ADGRE1: variants seen among roughly 807,000 people sequenced by gnomAD.
ADGRE1 encodes the protein EGF-like module receptor 1.
In ADGRE1, 82 loss-of-function variants were observed where a neutral mutation model predicts 102.7. The observed-to-expected ratio is 0.80, with a 90% CI of 0.67 to 0.96. The LOEUF is 0.96. Among genes scored for constraint, ADGRE1 ranks in the 40% least tolerant of loss-of-function variants. The pLI, the probability that ADGRE1 is intolerant of heterozygous loss-of-function variation, is 0.00. For missense variants in ADGRE1, 1,032 were observed against 1,085.3 expected, an observed-to-expected ratio of 0.95 and a Z score of 0.69; for synonymous variants, 398 against 399.6, an observed-to-expected ratio of 1.00 and a Z score of 0.05.
rs142114236 is a variant in ADGRE1 at position 6,919,677 on chromosome 19, G to C, written c.1550G>C (p.Gly517Ala). 65 of 1,613,370 alleles carry C rather than the reference G, an allele frequency of 4.0e-5. No individual in the cohort carries two copies. The Admixed American group carries it at 5.8e-4, about 15-fold the overall frequency. Reference protein sequence around the residue: ...IKLKMNSRVVGGIMTGEKKDG... With the variant: ...IKLKMNSRVVAGIMTGEKKDG... ...CTGAAGATGAATTCTCGAGTCGTTG[G>C]GGGCATAATGACTGGAGAGAAGAAA... Residue 517 changes from glycine to alanine, a missense_variant, in exon 13 of 21, where the codon GGG becomes GCG. Gly to Ala is a moderately conservative substitution (Grantham distance 60). Transcript: ENST00000312053.
At chr19:6,897,327 G>A (rs779667563) in intron 4 of ADGRE1, 23 bp downstream of exon 4, 2 of 1,613,810 alleles carry the variant, frequency 1.2e-6, no homozygotes, top group Non-Finnish European at 8.5e-7. Flanking sequence ...GGTTCCCAGG[G>A]ATGGGTCTTG....
chr19:6,938,995 G>GCC (rs1975561588), intron 20 of ADGRE1, among the ~76,000 whole-genome samples: 1 of 151,760 alleles, frequency 6.6e-6, no homozygotes, highest in Non-Finnish European at 1.5e-5. Context: ...AGGGTTTCAT[G>GCC]ATGTTGGCCA....
intron 5 of ADGRE1, 180 bp downstream of exon 5, chr19:6,897,727 T>A: frequency 1.8e-6 from 1 of 567,442 alleles, no homozygotes; most frequent in Non-Finnish European, 2.6e-6. Context: ...TGTGGGTGTC[T>A]TTACATGCTA....
chr19:6,890,484 G>A lies in ADGRE1; in HGVS notation c.35G>A (p.Cys12Tyr), dbSNP rs780290153. Reference sequence around the variant, plus strand: ...TTTTTCTTTTCTTTCTTCACAGGATGTTGTGTTATGCACAGCTGGGAAGGG... The same window carrying A: ...TTTTTCTTTTCTTTCTTCACAGGATATTGTGTTATGCACAGCTGGGAAGGG... ...RGFNLLLFWGCCVMHSWEGHI... is the reference protein window; with the variant it reads ...RGFNLLLFWGYCVMHSWEGHI... Residue 12 changes from cysteine (C) to tyrosine (Y), a missense_variant, in exon 2 of 21, where the codon TGT (cysteine) becomes TAT (tyrosine). Physicochemically the swap from Cys to Tyr is radical, Grantham distance 194 (BLOSUM62 -2). Coordinates refer to ENST00000312053, the MANE Select transcript of ADGRE1 (RefSeq NM_001974.5). 8 of 1,349,286 alleles carry A rather than the reference G, an allele frequency of 5.9e-6. No individual in the cohort carries two copies. The South Asian group carries it at 7.1e-5, about 12-fold the overall frequency. The allele number at this position is 1,349,286 out of a possible 1,614,324, so 83.6% of individuals were successfully genotyped here. A position where few individuals can be genotyped will look rare whatever the true frequency, so the allele number is the denominator to read the frequency against.
rs748543537 is a variant in ADGRE1, at chr19:6,924,815, G to A, written c.1929G>A (p.Val643=). The change falls in exon 15 of 21, where the codon GTG becomes GTA. Residue 643 remains valine (V), a synonymous_variant. Transcript: ENST00000312053. ...HNTYLHLHLC[V]CLLLAKTLFL... ...CCTACCTCCACCTGCACCTCTGCGT[G>A]TGTCTCCTCTTGGCGAAGACTCTCT... 6.2e-7 allele frequency: 1 copy of A among 1,614,142 alleles called. No individual in the cohort carries two copies. Among genetic ancestry groups the A allele is most frequent in the Non-Finnish European group, 8.5e-7 (1 of 1,180,030 alleles).
chr19:6,934,735 T>A (rs535239197), intron 17 of ADGRE1, among the ~76,000 whole-genome samples: 7 of 151,730 alleles, frequency 4.6e-5, no homozygotes, highest in Non-Finnish European at 8.8e-5. Flanking sequence ...GTAGCTGTGA[T>A]TACAGGCATC....
chr19:6,939,617 T>C (rs1443757014), intron 20 of ADGRE1, among the ~76,000 whole-genome samples: 6 of 152,152 alleles, frequency 3.9e-5, no homozygotes, highest in Non-Finnish European at 7.3e-5. Flanking sequence ...ATGACTATGT[T>C]CAAGTCAAGA....
At chr19:6,936,930 G>A (rs973851254) in intron 18 of ADGRE1, among the ~76,000 whole-genome samples, 2 of 151,726 alleles carry the variant, frequency 1.3e-5, no homozygotes, top group African/African-American at 4.8e-5. Context: ...GCTAATTTTT[G>A]TATTTTTAGT....
intron 9 of ADGRE1, 58 bp from the exon 10 acceptor site, chr19:6,908,631 G>C: frequency 6.8e-7 from 1 of 1,469,512 alleles, no homozygotes; most frequent in Non-Finnish European, 9.2e-7. Context: ...TTACATGCTT[G>C]GGGGAATACA....
At chr19:6,899,510 C>A (rs553442927) in intron 5 of ADGRE1, among the ~76,000 whole-genome samples, 1 of 151,746 alleles carries the variant, frequency 6.6e-6, no homozygotes, top group Non-Finnish European at 1.5e-5. Context: ...GAAACCTTGT[C>A]GCTACTAAAA....
At chr19:6,917,585 A>G (rs1974443024) in intron 12 of ADGRE1, among the ~76,000 whole-genome samples, 2 of 152,012 alleles carry the variant, frequency 1.3e-5, no homozygotes, top group Admixed American at 6.6e-5. Flanking sequence ...CTAAAAATAT[A>G]AAGAATGAGC....
intron 2 of ADGRE1, among the ~76,000 whole-genome samples, chr19:6,893,623 T>C (rs953121604): frequency 6.6e-6 from 1 of 152,242 alleles, no homozygotes; most frequent in African/African-American, 2.4e-5. Flanking sequence ...CTTTGGATTT[T>C]GAAAGGTCTG....
chr19:6,922,513 G>A (rs1974710487), intron 14 of ADGRE1, among the ~76,000 whole-genome samples: 2 of 151,814 alleles, frequency 1.3e-5, no homozygotes, highest in Non-Finnish European at 2.9e-5. Context: ...TACTTGGGAG[G>A]CTGAGGCAGG....
At chr19:6,914,510 C>A (rs1974308231) in intron 11 of ADGRE1, among the ~76,000 whole-genome samples, 2 of 152,128 alleles carry the variant, frequency 1.3e-5, no homozygotes, top group South Asian at 4.1e-4. Context: ...TGCTGTAGAT[C>A]TTTTACATTA....
intron 2 of ADGRE1, among the ~76,000 whole-genome samples, chr19:6,893,253 A>G (rs1410618179): frequency 6.6e-6 from 1 of 151,998 alleles, no homozygotes; most frequent in Admixed American, 6.5e-5. Flanking sequence ...GCTGGAGTGC[A>G]ATGGCGCAAT....
At chr19:6,903,623 G>A (rs754327931) in intron 6 of ADGRE1, among the ~76,000 whole-genome samples, 187 bp from the exon 7 acceptor site, 13 of 152,132 alleles carry the variant, frequency 8.5e-5, no homozygotes, top group African/African-American at 1.2e-4. Flanking sequence ...CATATATCAT[G>A]GCTCTCATAT....
intron 12 of ADGRE1, among the ~76,000 whole-genome samples, chr19:6,918,323 C>G (rs529711354): frequency 5.9e-5 from 9 of 151,460 alleles, no homozygotes; most frequent in Admixed American, 2.6e-4. Flanking sequence ...TGCCTGTAAT[C>G]CCAGCTACTC....
At chr19:6,939,268 C>CATACATATATAT (rs1975572767) in intron 20 of ADGRE1, among the ~76,000 whole-genome samples, 1 of 152,046 alleles carries the variant, frequency 6.6e-6, no homozygotes. Flanking sequence ...ATGAAAAAGA[C>CATACATATATAT]AGTATAGGTA....
chr19:6,916,388 A>G lies in ADGRE1; in HGVS notation c.1420+20A>G, dbSNP rs1248819540. ...CCACAGGTACAGGTCCTCTCCTGAGAATGCAGGTTATGGTGTATTCCATCA... is the reference window on the plus strand; with the variant it reads ...CCACAGGTACAGGTCCTCTCCTGAGGATGCAGGTTATGGTGTATTCCATCA... On this transcript the variant is annotated intron_variant, in intron 12 of 20. Transcript: ENST00000312053. 1.2e-6 allele frequency: 2 copies of G among 1,607,710 alleles called. No homozygotes were observed. Among genetic ancestry groups the G allele is most frequent in the East Asian group, 2.2e-5 (1 of 44,708 alleles).
Sources: allele counts gnomAD v4.1 joint callset (sites outside exome capture counted in the v4.1 genomes callset), GRCh38; gene constraint gnomAD v4.1.1; transcripts MANE v1.5; gene names NCBI Gene and HGNC (gene_info 2026-07-23, HGNC 2026-07-21).